STON2: variants seen among roughly 807,000 people sequenced by gnomAD.
STON2 encodes the protein stonin 2, also known as stonin-2.
A neutral mutation model predicts 65.7 loss-of-function variants in STON2; 29 were observed. The observed-to-expected ratio is 0.44, with a 90% CI of 0.33 to 0.60. The LOEUF is 0.60. Among genes scored for constraint, STON2 ranks in the 20% least tolerant of loss-of-function variants. STON2 has a pLI of 0.03. For synonymous variants in STON2, 404 were observed against 414.2 expected (o/e 0.98, Z 0.30); for missense variants, 1,054 against 1,118.1 (o/e 0.94, Z 0.82).
chr14:81,398,117 C>T (rs756696757), intron 2 of STON2, among the ~76,000 whole-genome samples, 178 bp downstream of exon 2: 3 of 152,102 alleles, frequency 2.0e-5, no homozygotes, highest in African/African-American at 7.2e-5. Context: ...TCCCAAGATG[C>T]TTTTTCAGTG....
chr14:81,372,043 G>A (rs1247472880), intron 3 of STON2, among the ~76,000 whole-genome samples: 2 of 152,156 alleles, frequency 1.3e-5, no homozygotes, highest in Non-Finnish European at 2.9e-5. Context: ...GAGATTTACT[G>A]AGGCTGCCAA....
intron 2 of STON2, among the ~76,000 whole-genome samples, chr14:81,406,274 T>G (rs1252327128): frequency 6.6e-6 from 1 of 152,198 alleles, no homozygotes; most frequent in Middle Eastern, 3.2e-3. Flanking sequence ...TCCTATTAAT[T>G]CTGTCCCTTT....
At chr14:81,351,161 T>C (rs1231280791) in intron 4 of STON2, among the ~76,000 whole-genome samples, 2 of 151,220 alleles carry the variant, frequency 1.3e-5, no homozygotes, top group African/African-American at 2.4e-5. Context: ...GACTAAGGTA[T>C]TTTGAGGTAA....
intron 5 of STON2, among the ~76,000 whole-genome samples, chr14:81,321,370 TAAAA>T (rs566882924): frequency 1.6e-5 from 2 of 126,720 alleles, no homozygotes. Context: ...GTTTCTACTT[TAAAA>T]AAAAAAAAAA....
At chr14:81,298,755 C>T (rs532175752) in intron 5 of STON2, among the ~76,000 whole-genome samples, 7 of 152,160 alleles carry the variant, frequency 4.6e-5, no homozygotes, top group South Asian at 2.1e-4. Flanking sequence ...TCACCCACCA[C>T]GAAATGGTTT....
chr14:81,263,791 G>A lies in STON2; in HGVS notation c.*4623C>T, dbSNP rs1172999770. The A allele has an allele frequency of 1.4e-5, 14 of 985,114 alleles. No homozygotes were observed. Among genetic ancestry groups the A allele is most frequent in the Non-Finnish European group, 1.7e-5 (14 of 829,864 alleles). 61.0% of individuals were successfully genotyped at this position (985,114 alleles called of 1,614,324 possible). ...GAGCATTTCTATAAGCAGGCTGGATGGTAGTGCTTCCTACTTAAACCAATT... is the reference window on the plus strand; with the variant it reads ...GAGCATTTCTATAAGCAGGCTGGATAGTAGTGCTTCCTACTTAAACCAATT... On this transcript the variant is annotated 3_prime_UTR_variant, in exon 8 of 8. Coordinates refer to ENST00000614646, the MANE Select transcript of STON2 (RefSeq NM_001394390.1).
At chr14:81,322,532 C>T (rs1311443465) in intron 5 of STON2, among the ~76,000 whole-genome samples, 1 of 151,954 alleles carries the variant, frequency 6.6e-6, no homozygotes, top group African/African-American at 2.4e-5. Flanking sequence ...ATTAATCAGC[C>T]AAGGGGAAAC....
chr14:81,425,630 T>C (rs1901932168), intron 2 of STON2, among the ~76,000 whole-genome samples: 1 of 152,064 alleles, frequency 6.6e-6, no homozygotes, highest in African/African-American at 2.4e-5. Flanking sequence ...GAGAACCTTC[T>C]TACCTGGCTC....
chr14:81,269,916 G>C (rs1412114889), intron 7 of STON2: 13 of 985,190 alleles, frequency 1.3e-5, no homozygotes, highest in Non-Finnish European at 1.6e-5. Flanking sequence ...GTTTTGTCCT[G>C]TTATAGCCCA....
chr14:81,355,452 C>T (rs1898188214), intron 4 of STON2, among the ~76,000 whole-genome samples: 1 of 151,926 alleles, frequency 6.6e-6, no homozygotes, highest in Admixed American at 6.6e-5. Flanking sequence ...AATTTCTCAG[C>T]AGAAACTGTA....
chr14:81,292,134 C>T (rs577951598), intron 5 of STON2, among the ~76,000 whole-genome samples: 22 of 152,288 alleles, frequency 1.4e-4, no homozygotes, highest in Admixed American at 3.9e-4. Flanking sequence ...AGCTAAATGT[C>T]GACTTTACTG....
intron 3 of STON2, among the ~76,000 whole-genome samples, chr14:81,371,417 T>C (rs1898987574): frequency 6.6e-6 from 1 of 152,000 alleles, no homozygotes; most frequent in Non-Finnish European, 1.5e-5. Context: ...AGGTCCTGGC[T>C]GGGTGCGGTG....
At chr14:81,311,877 GGT>G (rs1447886807) in intron 5 of STON2, among the ~76,000 whole-genome samples, 1 of 152,208 alleles carries the variant, frequency 6.6e-6, no homozygotes, top group East Asian at 1.9e-4. Flanking sequence ...TTTAAATGAA[GGT>G]TGGCCAATTA....
intron 5 of STON2, among the ~76,000 whole-genome samples, chr14:81,304,119 A>T (rs1459517440): frequency 1.3e-5 from 2 of 152,178 alleles, no homozygotes; most frequent in East Asian, 3.9e-4. Context: ...TCTCTTGTAG[A>T]GTCAAATAGT....
intron 4 of STON2, among the ~76,000 whole-genome samples, chr14:81,369,250 A>G (rs897540068): frequency 3.3e-5 from 5 of 152,166 alleles, no homozygotes; most frequent in Admixed American, 3.3e-4. Context: ...GACCCCAACC[A>G]AAACAGGGGA....
intron 2 of STON2, among the ~76,000 whole-genome samples, chr14:81,409,234 G>A (rs978008155): frequency 4.6e-5 from 7 of 151,784 alleles, no homozygotes; most frequent in Admixed American, 1.3e-4. Context: ...GTGAAACCTC[G>A]TCTCTACTAA....
Position 81,264,276 on chromosome 14 carries a change from G to C in STON2, c.*4138C>G. On this transcript the variant is annotated 3_prime_UTR_variant, in exon 8 of 8. Coordinates refer to ENST00000614646, the MANE Select transcript of STON2 (RefSeq NM_001394390.1). ...TGACAGGTTTTATTACTTGACTCTG[G>C]AGGCAGGAGTAAAAGGAAAGCAAAA... The C allele has an allele frequency of 1.0e-6, 1 of 985,432 alleles. No individual in the cohort carries two copies. Among genetic ancestry groups the C allele is most frequent in the South Asian group, 4.7e-5 (1 of 21,290 alleles). 61.0% of individuals were successfully genotyped at this position (985,432 alleles called of 1,614,324 possible). A position where few individuals can be genotyped will look rare whatever the true frequency, so the allele number is the denominator to read the frequency against.
At chr14:81,429,114 C>A (rs1473093684) in intron 1 of STON2, among the ~76,000 whole-genome samples, 1 of 152,212 alleles carries the variant, frequency 6.6e-6, no homozygotes, top group East Asian at 1.9e-4. Context: ...TAACAAGGAC[C>A]CTTTGGGGTC....
chr14:81,367,266 C>T (rs1271270277), intron 4 of STON2, among the ~76,000 whole-genome samples: 1 of 152,154 alleles, frequency 6.6e-6, no homozygotes, highest in Non-Finnish European at 1.5e-5. Flanking sequence ...GCAGCCTCCG[C>T]CTCCTGGGTT....
Sources: gnomAD v4.1 joint callset for allele counts (sites outside exome capture counted in the v4.1 genomes callset) on GRCh38, gnomAD v4.1.1 for gene constraint, MANE v1.5 for transcripts, NCBI Gene and HGNC (gene_info 2026-07-23, HGNC 2026-07-21) for gene names.